LUC7L: variants seen among roughly 807,000 people sequenced by gnomAD.
LUC7L encodes the protein LUC7 like.
Under a neutral mutation model 51.1 loss-of-function variants are expected in LUC7L, and 29 were observed. The ratio of observed to expected loss-of-function variants is 0.57; its 90% CI spans 0.42 to 0.77. The LOEUF (loss-of-function observed/expected upper bound fraction) is 0.77. Ranked by LOEUF, LUC7L falls within the 30% of genes least tolerant of loss-of-function variation. The probability of loss-of-function intolerance (pLI) is 0.00; values close to 1 mark genes in which losing one functional copy is unlikely to be tolerated. For missense variants in LUC7L, 403 were observed against 511.9 expected, an observed-to-expected ratio of 0.79 and a Z score of 2.05; for synonymous variants, 181 against 180.7, an observed-to-expected ratio of 1.00 and a Z score of -0.01.
chr16:212,261 C>T (rs974144392), intron 3 of LUC7L, among the ~76,000 whole-genome samples: 3 of 152,128 alleles, frequency 2.0e-5, no homozygotes, highest in Non-Finnish European at 4.4e-5. Context: ...CCATTGCACT[C>T]CAACCTGGGC....
chr16:197,463 G>C (rs958276398), intron 6 of LUC7L, among the ~76,000 whole-genome samples: 1 of 152,014 alleles, frequency 6.6e-6, no homozygotes, highest in Non-Finnish European at 1.5e-5. Context: ...CACCTGCCTC[G>C]GCCTCCCGAA....
chr16:201,254 A>AAAAAAAAAAAAAT (rs2049318818), intron 5 of LUC7L, among the ~76,000 whole-genome samples: 1 of 150,804 alleles, frequency 6.6e-6, no homozygotes, highest in Non-Finnish European at 1.5e-5. Flanking sequence ...AAAAAAAAAA[A>AAAAAAAAAAAAAT]AAAAAAAAAA....
intron 6 of LUC7L, among the ~76,000 whole-genome samples, chr16:198,759 T>C (rs1212890211): frequency 6.6e-6 from 1 of 152,016 alleles, no homozygotes; most frequent in Non-Finnish European, 1.5e-5. Flanking sequence ...TGATCTCGGC[T>C]CACTGCAACC....
chr16:227,335 T>C lies in LUC7L; in HGVS notation c.63A>G (p.Gly21=). The change falls in exon 2 of 10, where the codon GGA becomes GGG. Residue 21 remains glycine (G), a splice_region_variant and synonymous_variant. Transcript: ENST00000293872. ...ACTTGACCCTCTGTCTGGTTTCGTC[T>C]CCTGAAATTCATTTGTGGTTTTAAA... is the stretch of plus-strand genomic sequence containing the variant. ...LDQLMGTARD[G]DETRQRVKFT... The C allele has an allele frequency of 6.2e-7, 1 of 1,604,062 alleles. No individual in the cohort carries two copies. The highest frequency in any genetic ancestry group is 8.5e-7 in the Non-Finnish European group (1 of 1,173,912).
At chr16:220,468 C>G in intron 3 of LUC7L, 181 bp downstream of exon 3, 1 of 550,342 alleles carries the variant, frequency 1.8e-6, no homozygotes, top group East Asian at 2.9e-5. Flanking sequence ...AGGACACTGA[C>G]AGGACGCTGG....
intron 3 of LUC7L, chr16:209,430 C>G (rs2049576067): frequency 7.1e-6 from 1 of 141,688 alleles, no homozygotes; most frequent in Non-Finnish European, 1.5e-5. Flanking sequence ...GAAGAGGTTG[C>G]AGTGAGCCGA....
chr16:227,231 A>G lies in LUC7L; in HGVS notation c.156+11T>C. 6.2e-7 allele frequency: 1 copy of G among 1,610,574 alleles called. No homozygotes were observed. ...CAGAGTGTTCCATGAGGTCCCCCAA[A>G]ATGCACCTACCGTCCCAGCCAGGAT... is the stretch of plus-strand genomic sequence containing the variant. On this transcript the variant is annotated intron_variant, in intron 2 of 9. Coordinates refer to ENST00000293872, the MANE Select transcript of LUC7L (RefSeq NM_201412.3).
intron 5 of LUC7L, among the ~76,000 whole-genome samples, chr16:200,803 G>A (rs979752973): frequency 4.6e-5 from 7 of 151,426 alleles, no homozygotes; most frequent in African/African-American, 1.7e-4. Context: ...GACTGCTTGA[G>A]CCCAGGAGGT....
chr16:221,186 AT>A (rs372906826), intron 2 of LUC7L, among the ~76,000 whole-genome samples: 1,191 of 100,944 alleles, frequency 0.012, 5 homozygotes, highest in Admixed American at 0.033. Context: ...CACCCAGCTA[AT>A]TTTTTTTTTT....
intron 6 of LUC7L, among the ~76,000 whole-genome samples, chr16:195,513 T>G (rs1227183441): frequency 6.6e-6 from 1 of 152,106 alleles, no homozygotes; most frequent in Admixed American, 6.6e-5. Context: ...AGCCTTGAGC[T>G]CCAAGGTCCA....
intron 1 of LUC7L, chr16:228,293 C>CT (rs2050179142): frequency 1.2e-5 from 16 of 1,302,230 alleles, no homozygotes; most frequent in Non-Finnish European, 1.5e-5. Flanking sequence ...AAAGCAAACA[C>CT]TTTTTTGTTA....
chr16:219,016 T>C lies in LUC7L; in HGVS notation c.255+1633A>G, dbSNP rs2049891588. ...CAGGAATCCGAGGCAGGGCTATCAC[T>C]GAGCCGAAGAGGTCAAGGTTACAGC... On this transcript the variant is annotated intron_variant, in intron 3 of 9. Transcript: ENST00000293872. Among the ~76,000 whole-genome samples, 3 of 149,584 alleles carry C rather than the reference T, an allele frequency of 2.0e-5. No individual in the cohort carries two copies. In the South Asian group the frequency reaches 6.3e-4, roughly 32 times the overall value.
At chr16:191,838 T>C (rs1032980804) in intron 7 of LUC7L, among the ~76,000 whole-genome samples, 10 of 152,186 alleles carry the variant, frequency 6.6e-5, no homozygotes, top group African/African-American at 2.4e-4. Flanking sequence ...AGCGAGACCC[T>C]GTCTCAAAAA....
At position 229,237 on chromosome 16, in the gene LUC7L, C is replaced by G. The variant is rs776165021; in HGVS notation, c.61+42G>C. ...CAGGCCGCCCGGCGGCCTCGCCTCA[C>G]TCCCACCCCAGACCCTCGCCTGGTT... is the stretch of plus-strand genomic sequence containing the variant. On this transcript the variant is annotated intron_variant, in intron 1 of 9. Transcript: ENST00000293872. 3.9e-5 allele frequency: 60 copies of G among 1,521,488 alleles called. 1 individual carries two copies. The African/African-American group carries it at 8.1e-4, about 21-fold the overall frequency. 94.2% of individuals were successfully genotyped at this position (1,521,488 alleles called of 1,614,324 possible). A position where few individuals can be genotyped will look rare whatever the true frequency, so the allele number is the denominator to read the frequency against.
chr16:199,922 G>A (rs1447618407), intron 5 of LUC7L, among the ~76,000 whole-genome samples: 6 of 151,648 alleles, frequency 4.0e-5, no homozygotes, highest in Admixed American at 6.6e-5. Flanking sequence ...CCTGGGAAGC[G>A]GAGGTTGCAG....
chr16:228,881 G>C (rs1401329364), intron 1 of LUC7L: 1 of 1,320,270 alleles, frequency 7.6e-7, no homozygotes, highest in Middle Eastern at 2.1e-4. Context: ...CTCGGGTGTA[G>C]CTTCTTCCCA....
chr16:199,712 T>C (rs1265365893), intron 5 of LUC7L, among the ~76,000 whole-genome samples: 1 of 132,186 alleles, frequency 7.6e-6, no homozygotes, highest in Non-Finnish European at 1.6e-5. Flanking sequence ...CGGAGGTTGC[T>C]GTTGAGCTGA....
At chr16:225,797 T>C (rs2050115750) in intron 2 of LUC7L, among the ~76,000 whole-genome samples, 2 of 145,354 alleles carry the variant, frequency 1.4e-5, no homozygotes, top group South Asian at 4.3e-4. Context: ...AAATTCTGTC[T>C]CAAAAAAAAA....
rs748079243 is a variant in LUC7L at position 193,013 on chromosome 16, T to C, written c.690A>G (p.Lys230=). The C allele has an allele frequency of 2.2e-5, 36 of 1,612,224 alleles. No individual in the cohort carries two copies. The highest frequency in any genetic ancestry group is 2.9e-5 in the Non-Finnish European group (34 of 1,179,764). ...QIREKLDQLR[K]TVAEKQEKRN... is the part of the protein sequence containing the mutation. Reference sequence around the variant, plus strand: ...TCTTCTCCTGCTTTTCAGCGACAGTTTTCTAAATAAATGAAACAAAAAATG... The same window carrying C: ...TCTTCTCCTGCTTTTCAGCGACAGTCTTCTAAATAAATGAAACAAAAAATG... The change falls in exon 7 of 10, where the codon AAA becomes AAG. Residue 230 remains lysine (K), a splice_region_variant and synonymous_variant. Coordinates refer to ENST00000293872, the MANE Select transcript of LUC7L (RefSeq NM_201412.3).
Sources: gnomAD v4.1 joint callset for allele counts (sites outside exome capture counted in the v4.1 genomes callset) on GRCh38, gnomAD v4.1.1 for gene constraint, MANE v1.5 for transcripts, NCBI Gene and HGNC (gene_info 2026-07-23, HGNC 2026-07-21) for gene names.